The following FAM107B variants were observed in gnomAD, a reference collection of about 807,000 sequenced individuals.
FAM107B encodes family with sequence similarity 107 member B, also known as protein FAM107B.
FAM107B carries 21 observed loss-of-function variants against 31.5 expected under a neutral mutation model. That is an observed-to-expected ratio of 0.67 (90% CI 0.47 to 0.96). The LOEUF (loss-of-function observed/expected upper bound fraction) is 0.96, where lower values mean the gene tolerates loss of function less well. Among genes scored for constraint, FAM107B ranks in the 40% least tolerant of loss-of-function variants. The probability of loss-of-function intolerance (pLI) is 0.00; values close to 1 mark genes in which losing one functional copy is unlikely to be tolerated. For synonymous variants in FAM107B, 157 were observed against 141.5 expected (o/e 1.11, Z -0.78); for missense variants, 452 against 377.1 (o/e 1.20, Z -1.64).
rs77158004 is a variant in FAM107B at position 14,755,839 on chromosome 10, C to T, written c.411+18414G>A. Among the ~76,000 whole-genome samples, 1,028 of 152,278 alleles carry T rather than the reference C, an allele frequency of 6.8e-3. 10 individuals are homozygous for T. Among genetic ancestry groups the T allele is most frequent in the African/African-American group, 0.023 (974 of 41,544 alleles). The stretch of plus-strand genomic sequence containing the variant: ...CCTTAGAAACTTCTTATCTACACCC[C>T]ATCCCCAAATTTTCAGAAGAGTAAA... On this transcript the variant is annotated intron_variant, in intron 1 of 4. Transcript: ENST00000181796.
chr10:14,632,291 C>T (rs1290642415), intron 2 of FAM107B, among the ~76,000 whole-genome samples: 1 of 107,730 alleles, frequency 9.3e-6, no homozygotes, highest in Non-Finnish European at 1.7e-5. Flanking sequence ...GGGGACAGAG[C>T]GAGACTCTGT....
intron 2 of FAM107B, chr10:14,556,336 T>C (rs1849697110): frequency 1.0e-6 from 1 of 985,240 alleles, no homozygotes. Context: ...TCCTCCCAAA[T>C]GCACAGAAGA....
chr10:14,538,652 A>C (rs1007208344), intron 2 of FAM107B, among the ~76,000 whole-genome samples: 21 of 152,238 alleles, frequency 1.4e-4, no homozygotes, highest in African/African-American at 5.1e-4. Flanking sequence ...GTTTCCTCTA[A>C]ACATTCACCC....
chr10:14,645,252 C>G (rs1218272787), intron 2 of FAM107B, among the ~76,000 whole-genome samples: 1 of 152,162 alleles, frequency 6.6e-6, no homozygotes, highest in Non-Finnish European at 1.5e-5. Context: ...GTGCAATTCA[C>G]TTATTTGGCT....
intron 2 of FAM107B, among the ~76,000 whole-genome samples, chr10:14,635,003 C>T (rs974694954): frequency 4.0e-5 from 6 of 151,686 alleles, no homozygotes; most frequent in East Asian, 1.9e-4. Flanking sequence ...GTGGGAGAAT[C>T]GCTTGAACCC....
chr10:14,593,200 G>A (rs915629872), intron 2 of FAM107B, among the ~76,000 whole-genome samples: 1 of 151,822 alleles, frequency 6.6e-6, no homozygotes, highest in Non-Finnish European at 1.5e-5. Flanking sequence ...AACATAAAAA[G>A]CTTTTTTGTT....
At chr10:14,575,504 A>G (rs1851437572) in intron 2 of FAM107B, among the ~76,000 whole-genome samples, 1 of 152,174 alleles carries the variant, frequency 6.6e-6, no homozygotes, top group Admixed American at 6.6e-5. Flanking sequence ...CGCCCGGCCA[A>G]GAAGCTTTTC....
chr10:14,558,153 A>G (rs1004237763), intron 2 of FAM107B, among the ~76,000 whole-genome samples: 6 of 151,898 alleles, frequency 4.0e-5, no homozygotes, highest in Admixed American at 3.3e-4. Flanking sequence ...TCATGACACA[A>G]CCCATCATCA....
chr10:14,730,744 A>G (rs943357484), intron 1 of FAM107B, among the ~76,000 whole-genome samples: 5 of 152,180 alleles, frequency 3.3e-5, no homozygotes, highest in African/African-American at 1.2e-4. Flanking sequence ...TGCGACTTAG[A>G]TCTATGGTGA....
chr10:14,673,341 T>C (rs189341162), intron 1 of FAM107B, among the ~76,000 whole-genome samples: 28 of 152,340 alleles, frequency 1.8e-4, no homozygotes, highest in African/African-American at 6.5e-4. Context: ...TCCACTTCCA[T>C]GATACCAACT....
At chr10:14,691,916 A>G (rs907551836) in intron 1 of FAM107B, among the ~76,000 whole-genome samples, 8 of 138,480 alleles carry the variant, frequency 5.8e-5, no homozygotes, top group Admixed American at 1.5e-4. Context: ...AAAAAATTAA[A>G]CTAGGAGTAG....
At chr10:14,716,218 A>G (rs1237132360) in intron 1 of FAM107B, among the ~76,000 whole-genome samples, 1 of 152,192 alleles carries the variant, frequency 6.6e-6, no homozygotes, top group Non-Finnish European at 1.5e-5. Context: ...ATAAACCTTC[A>G]TTAGGTCACT....
At chr10:14,577,882 C>T (rs1447877948) in intron 2 of FAM107B, among the ~76,000 whole-genome samples, 5 of 152,088 alleles carry the variant, frequency 3.3e-5, no homozygotes, top group Non-Finnish European at 7.4e-5. Context: ...GTTAATATTT[C>T]TGTAACTGCA....
chr10:14,765,083 T>C (rs1833135591), intron 1 of FAM107B, among the ~76,000 whole-genome samples: 1 of 152,210 alleles, frequency 6.6e-6, no homozygotes, highest in South Asian at 2.1e-4. Context: ...TGCTCAAAGA[T>C]ATGGGTCGAC....
intron 3 of FAM107B, among the ~76,000 whole-genome samples, chr10:14,527,738 C>T (rs1274144011): frequency 1.3e-5 from 2 of 152,130 alleles, no homozygotes; most frequent in African/African-American, 4.8e-5. Context: ...TATTACAATA[C>T]CATGCAGTAA....
rs1458753745 is a variant in FAM107B, at chr10:14,519,504, G to C, written c.*1686C>G. 1 of 152,166 alleles carries C rather than the reference G, an allele frequency of 6.6e-6. No homozygotes were observed. Among genetic ancestry groups the C allele is most frequent in the Admixed American group, 6.5e-5 (1 of 15,276 alleles). 9.4% of individuals were successfully genotyped at this position (152,166 alleles called of 1,614,324 possible). ...CATTCTTCGAAACCAAATTACTGTAGAGCAACAATTTTTCTTAAGCATTTC... is the reference window on the plus strand; with the variant it reads ...CATTCTTCGAAACCAAATTACTGTACAGCAACAATTTTTCTTAAGCATTTC... On this transcript the variant is annotated 3_prime_UTR_variant, in exon 5 of 5. Transcript: ENST00000181796.
At chr10:14,706,028 T>G (rs1307771822) in intron 1 of FAM107B, among the ~76,000 whole-genome samples, 1 of 152,164 alleles carries the variant, frequency 6.6e-6, no homozygotes, top group Non-Finnish European at 1.5e-5. Flanking sequence ...CAAATTAACA[T>G]ACCCTTCCTA....
chr10:14,723,683 T>G, intron 1 of FAM107B: 1 of 751,068 alleles, frequency 1.3e-6, no homozygotes, highest in Non-Finnish European at 2.4e-6. Context: ...CTGGGGTCAG[T>G]AACCACAAGA....
At position 14,604,201 on chromosome 10, in the gene FAM107B, C is replaced by A. The variant is rs1211110263; in HGVS notation, c.469+63433G>T. On this transcript the variant is annotated intron_variant, in intron 2 of 4. Coordinates refer to ENST00000181796, the MANE Select transcript of FAM107B (RefSeq NM_031453.4). ...CCGCCGCCCGCCTCCCCGCGCCCCT[C>A]GTCTTTGTGTGGAAAGTAAGTGCGG... 5.1e-6 allele frequency: 5 copies of A among 979,302 alleles called. No individual in the cohort carries two copies. The African/African-American group carries it at 8.8e-5, about 17-fold the overall frequency. The allele number at this position is 979,302 out of a possible 1,614,324, so 60.7% of individuals were successfully genotyped here.
Sources: allele counts gnomAD v4.1 joint callset (sites outside exome capture counted in the v4.1 genomes callset), GRCh38; gene constraint gnomAD v4.1.1; transcripts MANE v1.5; gene names NCBI Gene and HGNC (gene_info 2026-07-23, HGNC 2026-07-21).